The following SEL1L2 variants were observed in gnomAD, a reference collection of about 807,000 sequenced individuals.
The protein encoded by SEL1L2 is SEL1L2 adaptor subunit of SYVN1 ubiquitin ligase.
A neutral mutation model predicts 98.8 loss-of-function variants in SEL1L2; 89 were observed. The observed-to-expected ratio is 0.90, with a 90% CI of 0.76 to 1.07. The LOEUF is 1.07. SEL1L2 is among the 50% of genes least tolerant of loss of function. The pLI, the probability that SEL1L2 is intolerant of heterozygous loss-of-function variation, is 0.00. For missense variants in SEL1L2, 788 were observed against 812.0 expected, an observed-to-expected ratio of 0.97 and a Z score of 0.36; for synonymous variants, 262 against 278.5, an observed-to-expected ratio of 0.94 and a Z score of 0.59.
At chr20:13,892,519 A>T (rs1312524675) in intron 5 of SEL1L2, among the ~76,000 whole-genome samples, 1 of 152,142 alleles carries the variant, frequency 6.6e-6, no homozygotes, top group Admixed American at 6.5e-5. Context: ...TGCATTGAGG[A>T]TGCACAAAGA....
intron 10 of SEL1L2, among the ~76,000 whole-genome samples, chr20:13,879,156 C>A (rs978911356): frequency 2.0e-5 from 3 of 152,104 alleles, no homozygotes; most frequent in African/African-American, 7.2e-5. Flanking sequence ...AAGATGGTGA[C>A]AAGTCACCAG....
At chr20:13,947,893 T>C (rs2050091520) in intron 2 of SEL1L2, among the ~76,000 whole-genome samples, 1 of 152,246 alleles carries the variant, frequency 6.6e-6, no homozygotes, top group Admixed American at 6.5e-5. Flanking sequence ...GCAGCTGGTG[T>C]GCCTGGCTGT....
intron 2 of SEL1L2, among the ~76,000 whole-genome samples, chr20:13,932,573 A>G (rs1341267317): frequency 6.6e-6 from 1 of 152,028 alleles, no homozygotes; most frequent in Non-Finnish European, 1.5e-5. Flanking sequence ...CTGGGACTAC[A>G]GGTGCATGCC....
chr20:13,994,550 A>G (rs574680045), upstream of SEL1L2, among the ~76,000 whole-genome samples: 40 of 152,300 alleles, frequency 2.6e-4, no homozygotes, highest in Middle Eastern at 3.4e-3. Flanking sequence ...ATTAGCCTTG[A>G]AGATGATCTG....
At chr20:13,974,415 G>A (rs888799644) in intron 1 of SEL1L2, among the ~76,000 whole-genome samples, 4 of 151,068 alleles carry the variant, frequency 2.6e-5, no homozygotes, top group African/African-American at 9.7e-5. Flanking sequence ...GGGAGTAGGG[G>A]TCAGAACTGC....
chr20:13,857,837 A>G (rs1429522756), intron 18 of SEL1L2, among the ~76,000 whole-genome samples: 2 of 152,206 alleles, frequency 1.3e-5, no homozygotes, highest in Non-Finnish European at 2.9e-5. Context: ...TTTGACTACA[A>G]AGCCCTTTCA....
intron 5 of SEL1L2, among the ~76,000 whole-genome samples, chr20:13,908,266 C>T (rs556678459): frequency 4.6e-5 from 7 of 151,778 alleles, no homozygotes; most frequent in African/African-American, 1.4e-4. Context: ...AACAGGCATG[C>T]ACCATCATGC....
At chr20:13,956,719 A>G (rs553124029) in intron 1 of SEL1L2, among the ~76,000 whole-genome samples, 99 of 152,262 alleles carry the variant, frequency 6.5e-4, no homozygotes, top group African/African-American at 2.3e-3. Flanking sequence ...TATCATATAG[A>G]ATACATGCAT....
intron 5 of SEL1L2, among the ~76,000 whole-genome samples, chr20:13,907,742 CTT>C (rs111587079): frequency 6.0e-5 from 5 of 83,540 alleles, no homozygotes; most frequent in Non-Finnish European, 9.7e-5. Flanking sequence ...TTCTTTCTTT[CTT>C]TCTTTTCTTT....
Position 13,849,290 on chromosome 20 carries a change from CA to C in SEL1L2, c.*194del. 1 of 602,954 alleles carries C rather than the reference CA, an allele frequency of 1.7e-6. No homozygotes were observed. 37.4% of individuals were successfully genotyped at this position (602,954 alleles called of 1,614,324 possible). On this transcript the variant is annotated 3_prime_UTR_variant, in exon 20 of 20. Transcript: ENST00000284951. Reference sequence around the variant, plus strand: ...TAGGTGACCAGTTCCCAGCATCCCGCAAAGGGTTTTCTCTACTAAGCAGGAA... The same window carrying C: ...TAGGTGACCAGTTCCCAGCATCCCGCAAGGGTTTTCTCTACTAAGCAGGAA...
chr20:13,865,603 A>T (rs924650896), intron 15 of SEL1L2, 89 bp from the exon 16 acceptor site: 36 of 1,175,040 alleles, frequency 3.1e-5, no homozygotes, highest in Non-Finnish European at 3.3e-5. Flanking sequence ...TTCAGCTCCT[A>T]CCAGCTGGTC....
chr20:13,986,904 C>G (rs2052215161), intron 1 of SEL1L2, among the ~76,000 whole-genome samples: 1 of 152,222 alleles, frequency 6.6e-6, no homozygotes, highest in Non-Finnish European at 1.5e-5. Context: ...GCGATCTCGA[C>G]TCACTGCAAG....
chr20:13,913,939 T>C lies in SEL1L2; in HGVS notation c.392A>G (p.Tyr131Cys). Residue 131 changes from tyrosine to cysteine, a missense_variant, in exon 5 of 20, where the codon TAC becomes TGC. Transcript: ENST00000284951. ...GTCAGCTGCTTTGGCAAAAAGTAGG[T>C]AGGCTCTGTTTCAAGAATATAAAGT... ...SKSQKQKEEA[Y>C]LLFAKAADMG... is the part of the protein sequence containing the mutation. 1.3e-6 allele frequency: 2 copies of C among 1,561,372 alleles called. No homozygotes were observed. Among genetic ancestry groups the C allele is most frequent in the Non-Finnish European group, 1.7e-6 (2 of 1,163,156 alleles).
chr20:13,927,581 A>G (rs1195761098), intron 3 of SEL1L2, among the ~76,000 whole-genome samples: 1 of 152,228 alleles, frequency 6.6e-6, no homozygotes, highest in East Asian at 1.9e-4. Flanking sequence ...TGAGCATTCC[A>G]TTAAGAATAT....
chr20:13,933,918 T>C (rs2049274342), intron 2 of SEL1L2, among the ~76,000 whole-genome samples: 2 of 152,038 alleles, frequency 1.3e-5, no homozygotes, highest in Non-Finnish European at 2.9e-5. Flanking sequence ...TTAACTGAAA[T>C]TTATTAGATG....
chr20:13,952,427 T>C (rs1455301221), intron 2 of SEL1L2, among the ~76,000 whole-genome samples: 1 of 152,208 alleles, frequency 6.6e-6, no homozygotes, highest in East Asian at 1.9e-4. Flanking sequence ...CCAAGGCTAC[T>C]GATAGTAGGT....
chr20:13,863,136 A>G (rs1990440606), intron 17 of SEL1L2, among the ~76,000 whole-genome samples: 1 of 152,226 alleles, frequency 6.6e-6, no homozygotes, highest in Non-Finnish European at 1.5e-5. Flanking sequence ...CTGAAGAAGC[A>G]GGAGGTCCAA....
chr20:13,885,222 G>A (rs2046893908), intron 10 of SEL1L2, 125 bp downstream of exon 10: 1 of 698,858 alleles, frequency 1.4e-6, no homozygotes, highest in South Asian at 1.7e-5. Flanking sequence ...AGCTGACCAA[G>A]GAAGCATCAG....
At chr20:13,912,586 C>T (rs758878579) in intron 5 of SEL1L2, among the ~76,000 whole-genome samples, 3 of 152,070 alleles carry the variant, frequency 2.0e-5, no homozygotes, top group African/African-American at 7.2e-5. Flanking sequence ...CATGAGCCAC[C>T]GCACCTGGCC....
Sources: gnomAD v4.1 joint callset for allele counts (sites outside exome capture counted in the v4.1 genomes callset) on GRCh38, gnomAD v4.1.1 for gene constraint, MANE v1.5 for transcripts, NCBI Gene and HGNC (gene_info 2026-07-23, HGNC 2026-07-21) for gene names.